Variants in UGT2B11 observed in about 807,000 individuals in gnomAD.
The protein encoded by UGT2B11 is UDP glucuronosyltransferase family 2 member B11, also known as UDP-glucuronosyltransferase 2B11.
A neutral mutation model predicts 51.7 loss-of-function variants in UGT2B11; 49 were observed. That is an observed-to-expected ratio of 0.95 (90% confidence interval 0.75 to 1.20). The LOEUF is 1.20. UGT2B11 is among the 50% of genes most tolerant of loss of function. UGT2B11 has a pLI of 0.00. For synonymous variants in UGT2B11, 273 were observed against 209.0 expected (o/e 1.31, Z -2.64); for missense variants, 810 against 622.1 (o/e 1.30, Z -3.21).
At chr4:69,221,831 T>C in the UGT2B11 span, among the ~76,000 whole-genome samples, 1 of 152,232 alleles carries the variant, frequency 6.6e-6, no homozygotes, top group African/African-American at 2.4e-5. Flanking sequence ...GGTGACGGCA[T>C]GAGCTGGCGC....
chr4:69,212,745 A>T (rs1306985279), intron 1 of UGT2B11, 24 bp from the exon 2 acceptor site: 1 of 1,590,872 alleles, frequency 6.3e-7, no homozygotes, highest in Non-Finnish European at 8.5e-7. Flanking sequence ...AGAAAAGAAA[A>T]AGTGGATGAT....
At chr4:69,202,555 G>A (rs1721701066) in intron 5 of UGT2B11, among the ~76,000 whole-genome samples, 1 of 151,554 alleles carries the variant, frequency 6.6e-6, no homozygotes, top group Non-Finnish European at 1.5e-5. Context: ...CTAGGAAAAT[G>A]TGTCTTCAAG....
intron 2 of UGT2B11, among the ~76,000 whole-genome samples, chr4:69,210,465 T>C (rs1197221321): frequency 9.9e-5 from 15 of 151,666 alleles, no homozygotes; most frequent in Admixed American, 4.0e-4. Flanking sequence ...GCAATTATTT[T>C]ACATAATAAA....
intron 2 of UGT2B11, among the ~76,000 whole-genome samples, chr4:69,211,348 C>G (rs914510814): frequency 6.6e-6 from 1 of 151,456 alleles, no homozygotes; most frequent in African/African-American, 2.4e-5. Flanking sequence ...TCAACTAGCT[C>G]ATCTTACTGT....
In UGT2B11 at chr4:69,204,483, T is replaced by C; in HGVS notation, c.1257A>G (p.Thr419=). ...CATTCAGCAGGTCTGTACTCGACAT[T>C]GTGTTGAAGTCCAATCTAACAGCTG... ...KGAAVRLDFN[T]MSSTDLLNAL... The change falls in exon 5 of 6, where the codon ACA becomes ACG. Residue 419 remains threonine, a synonymous_variant. Coordinates refer to ENST00000446444, the MANE Select transcript of UGT2B11 (RefSeq NM_001073.3). 6.2e-7 allele frequency: 1 copy of C among 1,612,134 alleles called. No homozygotes were observed. The highest frequency in any genetic ancestry group is 8.5e-7 in the Non-Finnish European group (1 of 1,178,766).
intron 1 of UGT2B11, among the ~76,000 whole-genome samples, chr4:69,213,337 C>T (rs1722145341): frequency 6.6e-6 from 1 of 151,698 alleles, no homozygotes; most frequent in South Asian, 2.1e-4. Context: ...TAATCTGTCT[C>T]ATATTTTTAA....
intron 3 of UGT2B11, 150 bp downstream of exon 3, chr4:69,208,201 A>G (rs1352324730): frequency 2.1e-6 from 3 of 1,459,830 alleles, no homozygotes; most frequent in Admixed American, 4.6e-5. Context: ...CACAACTATT[A>G]CTTGTGTTGG....
At chr4:69,214,990 C>T (rs10007579), upstream of UGT2B11, 2,364 of 412,536 alleles carry the variant, frequency 5.7e-3, 22 homozygotes, top group South Asian at 0.012. Context: ...ATGTAACCTA[C>T]TTTATAATAG....
chr4:69,209,133 T>A (rs947685644), intron 2 of UGT2B11, among the ~76,000 whole-genome samples: 4 of 151,804 alleles, frequency 2.6e-5, no homozygotes, highest in African/African-American at 9.6e-5. Flanking sequence ...AGTCTAGTAT[T>A]GTGATTTGGA....
At chr4:69,215,644 G>A (rs1201077170), upstream of UGT2B11, 1 of 151,912 alleles carries the variant, frequency 6.6e-6, no homozygotes, top group East Asian at 1.9e-4. Context: ...GCCTAGAAAG[G>A]CAATTACTGA....
At chr4:69,221,604 A>T in the UGT2B11 span, among the ~76,000 whole-genome samples, 1 of 152,264 alleles carries the variant, frequency 6.6e-6, no homozygotes, top group South Asian at 2.1e-4. Flanking sequence ...TTCAGGCATT[A>T]CAAGAAAGGC....
At chr4:69,203,091 A>G (rs902889074) in intron 5 of UGT2B11, among the ~76,000 whole-genome samples, 15 of 151,696 alleles carry the variant, frequency 9.9e-5, no homozygotes, top group African/African-American at 3.1e-4. Flanking sequence ...TAGTGCACCA[A>G]GATTGGGACA....
intron 5 of UGT2B11, among the ~76,000 whole-genome samples, chr4:69,203,792 A>G (rs1422150528): frequency 8.6e-5 from 13 of 151,840 alleles, no homozygotes; most frequent in Non-Finnish European, 8.9e-5. Flanking sequence ...ATATCTAGAG[A>G]GAATAACTTA....
chr4:69,220,129 T>C, the UGT2B11 span, among the ~76,000 whole-genome samples: 1 of 152,168 alleles, frequency 6.6e-6, no homozygotes, highest in Non-Finnish European at 1.5e-5. Context: ...ACAGGCTCCA[T>C]GCAAGTCCGA....
At chr4:69,222,457 C>T in the UGT2B11 span, among the ~76,000 whole-genome samples, 12 of 152,246 alleles carry the variant, frequency 7.9e-5, no homozygotes, top group South Asian at 8.3e-4. Flanking sequence ...CAAATGCCAG[C>T]GGCCCCAGTC....
At chr4:69,223,461 G>A in the UGT2B11 span, among the ~76,000 whole-genome samples, 38 of 152,230 alleles carry the variant, frequency 2.5e-4, no homozygotes, top group East Asian at 3.5e-3. Context: ...GGAAACTTCC[G>A]TTGTCCCTGC....
At chr4:69,224,618 A>T in the UGT2B11 span, among the ~76,000 whole-genome samples, 1 of 152,088 alleles carries the variant, frequency 6.6e-6, no homozygotes, top group African/African-American at 2.4e-5. Flanking sequence ...GACGATGTAA[A>T]TGCCTTTCCT....
rs776869909 is a variant in UGT2B11 at position 69,205,435 on chromosome 4, T to G, written c.1090+45A>C. On this transcript the variant is annotated intron_variant, in intron 4 of 5. Transcript: ENST00000446444. Reference sequence around the variant, plus strand: ...TAAGCATGTTTCATTAACCCTCTAATGTGCAGTTACTAATATATCCAGTAT... The same window carrying G: ...TAAGCATGTTTCATTAACCCTCTAAGGTGCAGTTACTAATATATCCAGTAT... 3.1e-6 allele frequency: 5 copies of G among 1,587,362 alleles called. No homozygotes were observed. The East Asian group carries it at 1.1e-4, about 36-fold the overall frequency.
At chr4:69,219,972 A>T in the UGT2B11 span, among the ~76,000 whole-genome samples, 2 of 152,180 alleles carry the variant, frequency 1.3e-5, no homozygotes, top group Non-Finnish European at 2.9e-5. Context: ...CACAGTCCAG[A>T]GTCTCATCTG....
Sources: allele counts gnomAD v4.1 joint callset (sites outside exome capture counted in the v4.1 genomes callset), GRCh38; gene constraint gnomAD v4.1.1; transcripts MANE v1.5; gene names NCBI Gene and HGNC (gene_info 2026-07-23, HGNC 2026-07-21).